The following KCNT1 variants were observed in gnomAD, a reference collection of about 807,000 sequenced individuals.
KCNT1 encodes potassium sodium-activated channel subfamily T member 1, also known as potassium channel subfamily T member 1.
A neutral mutation model predicts 147.8 loss-of-function variants in KCNT1; 78 were observed. That is an observed-to-expected ratio of 0.53 (90% confidence interval 0.44 to 0.64). The LOEUF (loss-of-function observed/expected upper bound fraction) is 0.64. KCNT1 is among the 30% of genes least tolerant of loss of function. KCNT1 has a pLI of 0.00. For missense variants in KCNT1, 1,419 were observed against 1,750.3 expected (o/e 0.81, Z 3.38); for synonymous variants, 867 against 748.8 (o/e 1.16, Z -2.58).
chr9:135,786,965 C>G (rs1834103900), intron 29 of KCNT1, among the ~76,000 whole-genome samples: 1 of 152,218 alleles, frequency 6.6e-6, no homozygotes, highest in African/African-American at 2.4e-5. Flanking sequence ...TAGAGTTGGG[C>G]CAGCCAGCTG....
At chr9:135,719,573 C>T (rs1241919074) in intron 2 of KCNT1, among the ~76,000 whole-genome samples, 1 of 152,182 alleles carries the variant, frequency 6.6e-6, no homozygotes, top group Non-Finnish European at 1.5e-5. Context: ...TGCACCAGGA[C>T]CCAGCCCACC....
At chr9:135,765,566 G>T in intron 12 of KCNT1, 58 bp from the exon 13 acceptor site, 6 of 1,557,094 alleles carry the variant, frequency 3.9e-6, no homozygotes, top group South Asian at 1.2e-5. Context: ...TGAAGGCAGG[G>T]CCGCCCGGGC....
chr9:135,786,095 AAGCTGCAGAGCCC>A lies in KCNT1; in HGVS notation c.3178-100_3178-88del, dbSNP rs370461522. 4 of 1,075,898 alleles carry A rather than the reference AAGCTGCAGAGCCC, an allele frequency of 3.7e-6. No homozygotes were observed. In the African/African-American group the frequency reaches 6.5e-5, roughly 17 times the overall value. 66.6% of individuals were successfully genotyped at this position (1,075,898 alleles called of 1,614,324 possible). On this transcript the variant is annotated intron_variant, in intron 28 of 30. Coordinates refer to ENST00000371757, the MANE Select transcript of KCNT1 (RefSeq NM_020822.3). ...CCCCAGCTGCTCCCACGCAGGCCCCAAGCTGCAGAGCCCACACCTCTTCCTAAGCCCCTGCCCC... is the reference window on the plus strand; with the variant it reads ...CCCCAGCTGCTCCCACGCAGGCCCCAACACCTCTTCCTAAGCCCCTGCCCC...
chr9:135,789,944 T>C (rs1834370767), intron 29 of KCNT1: 1 of 152,196 alleles, frequency 6.6e-6, no homozygotes, highest in Non-Finnish European at 1.5e-5. Flanking sequence ...GCCATGTGAC[T>C]GACCACAACC....
chr9:135,788,741 C>G (rs1195862852), intron 29 of KCNT1, among the ~76,000 whole-genome samples: 1 of 152,180 alleles, frequency 6.6e-6, no homozygotes, highest in Non-Finnish European at 1.5e-5. Flanking sequence ...TGGGGCTCCA[C>G]GAGGGGATTC....
At chr9:135,768,261 T>G (rs1343599117) in intron 13 of KCNT1, among the ~76,000 whole-genome samples, 1 of 7,038 alleles carries the variant, frequency 1.4e-4, no homozygotes, top group African/African-American at 9.7e-4. Flanking sequence ...GGGGGGGCAC[T>G]GGGATACCGG....
At chr9:135,767,181 A>G (rs1018916208) in intron 13 of KCNT1, among the ~76,000 whole-genome samples, 6 of 152,016 alleles carry the variant, frequency 3.9e-5, no homozygotes, top group African/African-American at 1.5e-4. Context: ...CAGAGCCCCA[A>G]GCTGGAACCC....
At chr9:135,718,980 C>T (rs1174661624) in intron 2 of KCNT1, among the ~76,000 whole-genome samples, 1 of 152,226 alleles carries the variant, frequency 6.6e-6, no homozygotes, top group Non-Finnish European at 1.5e-5. Context: ...GCTCACTCAC[C>T]TCAGGGACCT....
Position 135,778,745 on chromosome 9 carries a change from C to T in KCNT1, c.2652C>T (p.Asp884=). 1 of 1,613,888 alleles carries T rather than the reference C, an allele frequency of 6.2e-7. No homozygotes were observed. Among genetic ancestry groups the T allele is most frequent in the Non-Finnish European group, 8.5e-7 (1 of 1,179,916 alleles). ...IIYADNLVVV[D]KESTMSAEED... ...ATGCGGACAACCTGGTGGTGGTGGA[C>T]AAGGAGAGCACCATGAGCGCCGAGG... is the stretch of plus-strand genomic sequence containing the variant. Residue 884 remains aspartate (D), a synonymous_variant, in exon 23 of 31, where the codon GAC becomes GAT. Coordinates refer to ENST00000371757, the MANE Select transcript of KCNT1 (RefSeq NM_020822.3).
chr9:135,785,363 G>A, intron 28 of KCNT1, 33 bp downstream of exon 28: 9 of 1,612,662 alleles, frequency 5.6e-6, no homozygotes, highest in Non-Finnish European at 6.8e-6. Flanking sequence ...CGCAGCTTCT[G>A]CGGAGCACCA....
Position 135,770,226 on chromosome 9 carries a change from G to C in KCNT1, c.1620-72G>C, listed in dbSNP as rs542407254. 24 of 1,526,340 alleles carry C rather than the reference G, an allele frequency of 1.6e-5. No homozygotes were observed. In the African/African-American group the frequency reaches 2.5e-4, roughly 16 times the overall value. 94.5% of individuals were successfully genotyped at this position (1,526,340 alleles called of 1,614,324 possible). On this transcript the variant is annotated intron_variant, in intron 16 of 30. Coordinates refer to ENST00000371757, the MANE Select transcript of KCNT1 (RefSeq NM_020822.3). ...CCAGGGGAAGCAGAGGGGGGCACCT[G>C]CAGACCCAGCCGGGGAGAAGGGGCA...
chr9:135,721,060 G>C (rs994676905), intron 2 of KCNT1, among the ~76,000 whole-genome samples: 1 of 152,222 alleles, frequency 6.6e-6, no homozygotes, highest in African/African-American at 2.4e-5. Flanking sequence ...GGAGGAGTCG[G>C]GGAACCATGC....
At chr9:135,769,067 G>A in intron 15 of KCNT1, 130 bp downstream of exon 15, 1 of 709,490 alleles carries the variant, frequency 1.4e-6, no homozygotes, top group East Asian at 2.8e-5. Context: ...GGACGCGTGT[G>A]CACACGTGGG....
In KCNT1 at chr9:135,702,290, G is replaced by A. The variant is rs1003586835; in HGVS notation, c.32G>A (p.Gly11Glu). The stretch of plus-strand genomic sequence containing the variant: ...CTCCCTGACGGGGCGCGGACCCCGG[G>A]GGGCGTCTGCCGGGAGGCGCGCGGC... MPLPDGARTP[G>E]GVCREARGGG... is the part of the protein sequence containing the mutation. The change falls in exon 1 of 31, where the codon GGG becomes GAG. Residue 11 changes from glycine (G) to glutamate (E), a missense_variant. Transcript: ENST00000371757. The A allele has an allele frequency of 1.1e-5, 17 of 1,609,634 alleles. No homozygotes were observed. In the Admixed American group the frequency reaches 2.0e-4, roughly 19 times the overall value.
chr9:135,782,361 C>T (rs1230416057), intron 24 of KCNT1, among the ~76,000 whole-genome samples: 1 of 152,212 alleles, frequency 6.6e-6, no homozygotes, highest in Non-Finnish European at 1.5e-5. Flanking sequence ...GTCCACCTCC[C>T]CTGGTCTCCA....
At chr9:135,756,992 G>GCCCCCCCCCCCCCCCC (rs1564351666) in intron 7 of KCNT1, 60 bp downstream of exon 7, 1 of 688,794 alleles carries the variant, frequency 1.5e-6, no homozygotes, top group Admixed American at 2.9e-5. Flanking sequence ...ACCCTCCCCA[G>GCCCCCCCCCCCCCCCC]CCTCCCCCAC....
At chr9:135,745,685 C>T (rs185755396) in intron 2 of KCNT1, among the ~76,000 whole-genome samples, 9 of 152,356 alleles carry the variant, frequency 5.9e-5, no homozygotes, top group African/African-American at 1.2e-4. Flanking sequence ...CCTCGGGACA[C>T]GCCGGGAGTT....
chr9:135,771,775 C>G (rs1310776276), intron 18 of KCNT1, among the ~76,000 whole-genome samples: 1 of 151,996 alleles, frequency 6.6e-6, no homozygotes, highest in Non-Finnish European at 1.5e-5. Flanking sequence ...TGCCCCCTCC[C>G]CAGCCAGGCC....
At chr9:135,774,009 GT>G (rs1312825041) in intron 19 of KCNT1, among the ~76,000 whole-genome samples, 1 of 152,080 alleles carries the variant, frequency 6.6e-6, no homozygotes, top group Admixed American at 6.5e-5. Context: ...GGGCATGGGG[GT>G]GGGTGTGCAA....
Sources: gnomAD v4.1 joint callset for allele counts (sites outside exome capture counted in the v4.1 genomes callset) on GRCh38, gnomAD v4.1.1 for gene constraint, MANE v1.5 for transcripts, NCBI Gene and HGNC (gene_info 2026-07-23, HGNC 2026-07-21) for gene names.